The following SEM1 variants were observed in gnomAD, a reference collection of about 807,000 sequenced individuals.
The protein encoded by SEM1 is SEM1 26S proteasome subunit.
A neutral mutation model predicts 12.7 loss-of-function variants in SEM1; 3 were observed. That is an observed-to-expected ratio of 0.24 (90% CI 0.11 to 0.61). The LOEUF is 0.61. Among genes scored for constraint, SEM1 ranks in the 20% least tolerant of loss-of-function variants. The pLI, the probability that SEM1 is intolerant of heterozygous loss-of-function variation, is 0.88. For missense variants in SEM1, 59 were observed against 81.3 expected (o/e 0.73, Z 1.06); for synonymous variants, 30 against 27.8 (o/e 1.08, Z -0.25).
In SEM1 at chr7:96,638,944, T is replaced by G. The variant is rs143812385; in HGVS notation, c.171-16301A>C. ...ACAACTTACTCAATATCCCAACACT[T>G]GAACTTTCTTATCTGTAAACGAGGC... is the stretch of plus-strand genomic sequence containing the variant. On this transcript the variant is annotated intron_variant, in intron 2 of 2. Coordinates refer to the SEM1 transcript ENST00000417009. Among the ~76,000 whole-genome samples, 85 of 152,048 alleles carry G rather than the reference T, an allele frequency of 5.6e-4. 2 individuals carry two copies. The East Asian group carries it at 0.012, about 21-fold the overall frequency.
At chr7:96,557,865 C>G (rs369941311) in intron 2 of SEM1, among the ~76,000 whole-genome samples, 6 of 152,146 alleles carry the variant, frequency 3.9e-5, no homozygotes, top group African/African-American at 1.4e-4. Context: ...TAGGACCCTC[C>G]GAGCCAGGTG....
chr7:96,505,970 A>G (rs1383834157), intron 3 of SEM1, among the ~76,000 whole-genome samples: 1 of 72,476 alleles, frequency 1.4e-5, no homozygotes, highest in Non-Finnish European at 2.6e-5. Flanking sequence ...CTATTTTCAA[A>G]ATTATGAGTT....
At chr7:96,655,277 T>C (rs10261558) in intron 2 of SEM1, among the ~76,000 whole-genome samples, 25,932 of 151,638 alleles carry the variant, frequency 0.17, 2,235 homozygotes, top group South Asian at 0.21. Context: ...ACAGAGAAAA[T>C]AGAAAGGCAT....
chr7:96,544,307 G>A (rs890851507), intron 2 of SEM1, among the ~76,000 whole-genome samples: 7 of 151,894 alleles, frequency 4.6e-5, no homozygotes, highest in Non-Finnish European at 8.8e-5. Flanking sequence ...TGACACATCA[G>A]TTGTAGCACT....
At chr7:96,517,292 T>G (rs1264322941) in intron 2 of SEM1, among the ~76,000 whole-genome samples, 1 of 152,086 alleles carries the variant, frequency 6.6e-6, no homozygotes, top group Non-Finnish European at 1.5e-5. Flanking sequence ...GGGAGGATAT[T>G]GATAAAAGGG....
intron 1 of SEM1, among the ~76,000 whole-genome samples, chr7:96,492,706 CAGGTGTG>C (rs1396384888): frequency 7.1e-6 from 1 of 140,702 alleles, no homozygotes; most frequent in Non-Finnish European, 1.5e-5. Context: ...ACTAGGATTA[CAGGTGTG>C]AGCTACTATG....
At chr7:96,553,200 T>G (rs2115856197) in intron 2 of SEM1, among the ~76,000 whole-genome samples, 3 of 150,198 alleles carry the variant, frequency 2.0e-5, no homozygotes, top group African/African-American at 7.3e-5. Flanking sequence ...TTAGTTTAAT[T>G]AGATCCCATT....
intron 2 of SEM1, among the ~76,000 whole-genome samples, chr7:96,633,762 T>C (rs1808344402): frequency 6.6e-6 from 1 of 152,114 alleles, no homozygotes; most frequent in Non-Finnish European, 1.5e-5. Flanking sequence ...CATTATTGAA[T>C]ATTGTTATGG....
chr7:96,687,955 T>C (rs1453932057), downstream of SEM1: 2 of 152,150 alleles, frequency 1.3e-5, no homozygotes, highest in Non-Finnish European at 2.9e-5. Context: ...TCAAAATCAT[T>C]TTGAAGTATA....
chr7:96,562,143 G>A (rs1309368963), intron 2 of SEM1, among the ~76,000 whole-genome samples: 1 of 152,124 alleles, frequency 6.6e-6, no homozygotes, highest in Non-Finnish European at 1.5e-5. Context: ...GAGTTAAATG[G>A]AAAGCCATCT....
chr7:96,515,302 G>C (rs1266466200), intron 2 of SEM1, among the ~76,000 whole-genome samples: 1 of 152,070 alleles, frequency 6.6e-6, no homozygotes, highest in East Asian at 1.9e-4. Context: ...TCATCAGAGA[G>C]ATGCAAATCA....
chr7:96,556,337 C>T (rs1805497550), intron 2 of SEM1, among the ~76,000 whole-genome samples: 1 of 151,820 alleles, frequency 6.6e-6, no homozygotes. Context: ...ACCGGTTGTT[C>T]CTTTCCATGT....
chr7:96,612,815 T>C (rs1563082904), intron 2 of SEM1, among the ~76,000 whole-genome samples: 1 of 152,144 alleles, frequency 6.6e-6, no homozygotes, highest in Admixed American at 6.5e-5. Flanking sequence ...TTTTGTATTT[T>C]TAGTAGAGAC....
In SEM1 at chr7:96,640,832, G is replaced by T. The variant is rs747346639; in HGVS notation, c.171-18189C>A. Among the ~76,000 whole-genome samples, 8 of 151,746 alleles carry T rather than the reference G, an allele frequency of 5.3e-5. No individual in the cohort carries two copies. The highest frequency in any genetic ancestry group is 7.4e-5 in the Non-Finnish European group (5 of 67,860). ...CATGTGTCGGGGGAGGAGGAGGAGA[G>T]ACCCCTACCATGGGGTTTCTCTGTG... On this transcript the variant is annotated intron_variant, in intron 2 of 2. Transcript: ENST00000417009. The surrounding 1 kb of genome is among the most constrained non-coding windows in gnomAD (Gnocchi z 4.0).
At chr7:96,505,145 C>T (rs1471919395) in intron 3 of SEM1, among the ~76,000 whole-genome samples, 3 of 151,904 alleles carry the variant, frequency 2.0e-5, no homozygotes, top group Admixed American at 1.3e-4. Context: ...CTCTGTCCCC[C>T]AGGCTGGAGT....
intron 2 of SEM1, among the ~76,000 whole-genome samples, chr7:96,515,431 G>A (rs559122597): frequency 5.9e-5 from 9 of 152,160 alleles, no homozygotes; most frequent in Non-Finnish European, 1.0e-4. Context: ...GTTGGTGGGA[G>A]TGTAAAATAA....
At chr7:96,547,330 G>C (rs1401403038) in intron 2 of SEM1, among the ~76,000 whole-genome samples, 1 of 152,244 alleles carries the variant, frequency 6.6e-6, no homozygotes, top group East Asian at 1.9e-4. Context: ...TGAATAGGGG[G>C]TTGTAAGCTT....
intron 2 of SEM1, among the ~76,000 whole-genome samples, chr7:96,535,242 C>T (rs1031082110): frequency 6.6e-6 from 1 of 151,774 alleles, no homozygotes; most frequent in Non-Finnish European, 1.5e-5. Context: ...ACTAAGAACA[C>T]CTGTTTTACA....
At chr7:96,700,212 C>T (rs906134453) in intron 1 of SEM1, among the ~76,000 whole-genome samples, 2 of 150,794 alleles carry the variant, frequency 1.3e-5, no homozygotes, top group Admixed American at 1.3e-4. Context: ...TACATACATG[C>T]TAATCACTGG....
Sources: gnomAD v4.1 joint callset for allele counts (sites outside exome capture counted in the v4.1 genomes callset) on GRCh38, gnomAD v4.1.1 for gene constraint, Gnocchi (gnomAD v3.1) non-coding constraint, MANE v1.5 for transcripts, NCBI Gene and HGNC (gene_info 2026-07-23, HGNC 2026-07-21) for gene names.